SGCD: variants seen among roughly 807,000 people sequenced by gnomAD.
SGCD encodes sarcoglycan delta.
A neutral mutation model predicts 36.6 loss-of-function variants in SGCD; 18 were observed. The observed-to-expected ratio is 0.49, with a 90% CI of 0.34 to 0.73. The LOEUF is 0.73. Among genes scored for constraint, SGCD ranks in the 30% least tolerant of loss-of-function variants. The pLI is 0.01. For synonymous variants in SGCD, 133 were observed against 130.6 expected (o/e 1.02, Z -0.12); for missense variants, 387 against 346.7 (o/e 1.12, Z -0.92).
intron 6 of SGCD, among the ~76,000 whole-genome samples, chr5:156,599,142 T>C (rs1761061951): frequency 6.6e-6 from 1 of 152,226 alleles, no homozygotes; most frequent in Admixed American, 6.5e-5. Context: ...TCAGCTGGGA[T>C]TCAGCCATAT....
chr5:156,733,547 C>T (rs989350659), intron 7 of SGCD, among the ~76,000 whole-genome samples: 6 of 152,074 alleles, frequency 3.9e-5, no homozygotes, highest in African/African-American at 1.4e-4. Context: ...TAATTTAGAG[C>T]TGAGTTCATG....
At chr5:156,685,899 G>C (rs1031270123) in intron 7 of SGCD, among the ~76,000 whole-genome samples, 2 of 152,178 alleles carry the variant, frequency 1.3e-5, no homozygotes, top group East Asian at 3.9e-4. Flanking sequence ...GGGAACAACA[G>C]ACACTGGGGC....
At chr5:156,252,355 G>A (rs779533870) in intron 3 of SGCD, among the ~76,000 whole-genome samples, 2 of 152,124 alleles carry the variant, frequency 1.3e-5, no homozygotes, top group Non-Finnish European at 2.9e-5. Flanking sequence ...GAGATTACAG[G>A]CGTGAGCCAC....
At chr5:156,631,854 C>G (rs565533954) in intron 6 of SGCD, among the ~76,000 whole-genome samples, 27 of 152,228 alleles carry the variant, frequency 1.8e-4, no homozygotes, top group Admixed American at 1.1e-3. Flanking sequence ...CTCTAGGGAA[C>G]AGTTCTTCCT....
chr5:155,855,631 G>A, the SGCD span, among the ~76,000 whole-genome samples: 2 of 152,170 alleles, frequency 1.3e-5, no homozygotes, highest in Non-Finnish European at 2.9e-5. Context: ...TTTTTATAGA[G>A]TGGTAGACCA....
intron 3 of SGCD, among the ~76,000 whole-genome samples, chr5:156,210,487 C>A (rs964107547): frequency 4.6e-5 from 7 of 151,788 alleles, no homozygotes; most frequent in Admixed American, 4.6e-4. Flanking sequence ...ATATGAACAA[C>A]CCAACAAAGA....
At chr5:155,761,801 A>T in the SGCD span, among the ~76,000 whole-genome samples, 151 of 151,716 alleles carry the variant, frequency 1.0e-3, 1 homozygote, top group African/African-American at 3.3e-3. Flanking sequence ...CATCTCCATC[A>T]TCCTCACCAT....
intron 3 of SGCD, among the ~76,000 whole-genome samples, chr5:156,456,950 A>G (rs1317835253): frequency 6.6e-6 from 1 of 152,250 alleles, no homozygotes; most frequent in Non-Finnish European, 1.5e-5. Flanking sequence ...AAAAAATCAC[A>G]TTAAACCAAA....
intron 1 of SGCD, among the ~76,000 whole-genome samples, chr5:155,937,844 A>G (rs1757240655): frequency 6.6e-6 from 1 of 152,200 alleles, no homozygotes; most frequent in Non-Finnish European, 1.5e-5. Flanking sequence ...TGTTCAGGGG[A>G]GGATTCCCTG....
intron 1 of SGCD, among the ~76,000 whole-genome samples, chr5:155,902,843 C>T (rs966216623): frequency 2.6e-5 from 4 of 152,164 alleles, no homozygotes; most frequent in African/African-American, 7.2e-5. Flanking sequence ...ATTCTGCAGA[C>T]AGATCCCCAA....
the SGCD span, among the ~76,000 whole-genome samples, chr5:155,794,581 G>A: frequency 6.6e-6 from 1 of 151,972 alleles, no homozygotes; most frequent in African/African-American, 2.4e-5. Flanking sequence ...TACAGCCGTA[G>A]ATGGGAGCAA....
chr5:156,722,820 A>G (rs1417415711), intron 7 of SGCD, among the ~76,000 whole-genome samples: 1 of 152,158 alleles, frequency 6.6e-6, no homozygotes, highest in Non-Finnish European at 1.5e-5. Context: ...TTCTACTTCT[A>G]ACTTTTGAAT....
chr5:156,192,289 A>G (rs1444184051), intron 3 of SGCD, among the ~76,000 whole-genome samples: 1 of 152,218 alleles, frequency 6.6e-6, no homozygotes, highest in Non-Finnish European at 1.5e-5. Flanking sequence ...CACACAAAAT[A>G]GTATTCCAGT....
At chr5:156,639,184 A>G (rs1262997109) in intron 6 of SGCD, among the ~76,000 whole-genome samples, 2 of 152,104 alleles carry the variant, frequency 1.3e-5, no homozygotes, top group African/African-American at 4.8e-5. Flanking sequence ...GTGTGTATAT[A>G]CACACATATA....
At chr5:156,175,285 G>A (rs937662027) in intron 3 of SGCD, among the ~76,000 whole-genome samples, 11 of 152,180 alleles carry the variant, frequency 7.2e-5, no homozygotes, top group Non-Finnish European at 1.3e-4. Context: ...GGTTAACTAT[G>A]CCTGTCAGTT....
At chr5:156,270,458 T>A (rs1014782609) in intron 3 of SGCD, among the ~76,000 whole-genome samples, 3 of 152,198 alleles carry the variant, frequency 2.0e-5, no homozygotes, top group Non-Finnish European at 1.5e-5. Context: ...GCAATACTAT[T>A]ATTAAAGATA....
chr5:156,691,084 G>C (rs1053606769), intron 7 of SGCD, among the ~76,000 whole-genome samples: 27 of 151,586 alleles, frequency 1.8e-4, no homozygotes, highest in Non-Finnish European at 3.7e-4. Flanking sequence ...GTGGGTGCCT[G>C]TAATTCCAGC....
chr5:155,783,482 T>G, the SGCD span, among the ~76,000 whole-genome samples: 1 of 152,092 alleles, frequency 6.6e-6, no homozygotes, highest in Non-Finnish European at 1.5e-5. Context: ...TGGCAATGAC[T>G]GATTTGGCCT....
intron 3 of SGCD, among the ~76,000 whole-genome samples, chr5:156,383,143 A>G (rs1771071974): frequency 6.6e-6 from 1 of 152,290 alleles, no homozygotes; most frequent in Non-Finnish European, 1.5e-5. Context: ...AACCTGGGCC[A>G]TGTGCTGTGT....
Sources: allele counts gnomAD v4.1 joint callset (sites outside exome capture counted in the v4.1 genomes callset), GRCh38; gene constraint gnomAD v4.1.1; transcripts MANE v1.5; gene names NCBI Gene and HGNC (gene_info 2026-07-23, HGNC 2026-07-21).